Variants in LMX1A observed in about 807,000 individuals in gnomAD.
LMX1A encodes LIM homeobox transcription factor 1 alpha.
In LMX1A, 15 loss-of-function variants were observed where a neutral mutation model predicts 49.1. The ratio of observed to expected loss-of-function variants is 0.31; its 90% CI spans 0.20 to 0.47. The LOEUF (loss-of-function observed/expected upper bound fraction) is 0.47, where lower values mean the gene tolerates loss of function less well. LMX1A is among the 20% of genes least tolerant of loss of function. LMX1A has a pLI of 1.00. For missense variants in LMX1A, 372 were observed against 475.8 expected (o/e 0.78, Z 2.03); for synonymous variants, 167 against 185.7 (o/e 0.90, Z 0.82).
chr1:165,230,329 TTCTG>T (rs1453049528), intron 4 of LMX1A, among the ~76,000 whole-genome samples: 1 of 152,234 alleles, frequency 6.6e-6, no homozygotes, highest in Admixed American at 6.5e-5. Flanking sequence ...GCATAATGAT[TTCTG>T]TCTAATTTAA....
chr1:165,248,408 A>G (rs1164357627), intron 4 of LMX1A, among the ~76,000 whole-genome samples: 2 of 152,118 alleles, frequency 1.3e-5, no homozygotes, highest in African/African-American at 4.8e-5. Flanking sequence ...GGTCACATAG[A>G]TGTTACCTAA....
At chr1:165,307,217 G>C (rs1032709877) in intron 3 of LMX1A, among the ~76,000 whole-genome samples, 3 of 152,182 alleles carry the variant, frequency 2.0e-5, no homozygotes. Context: ...AAGATAAAGG[G>C]AGAAAGAGAA....
intron 3 of LMX1A, among the ~76,000 whole-genome samples, chr1:165,307,964 T>A (rs1459398948): frequency 3.9e-5 from 6 of 152,200 alleles, no homozygotes; most frequent in African/African-American, 1.4e-4. Flanking sequence ...CCTTCCTCCT[T>A]GGTTCCATAA....
chr1:165,245,121 G>C lies in LMX1A; in HGVS notation c.496+4287C>G, dbSNP rs145087766. Among the ~76,000 whole-genome samples the C allele has an allele frequency of 3.6e-4, 55 of 152,042 alleles. No individual in the cohort carries two copies. In the East Asian group the frequency reaches 0.01, roughly 28 times the overall value. On this transcript the variant is annotated intron_variant, in intron 4 of 8. Transcript: ENST00000342310. ...ATTTCAACTTCTATTTTAGATGCAG[G>C]GCATGCATGTGCAGGTTTTTTACAT...
At chr1:165,303,189 C>T (rs144551019) in intron 3 of LMX1A, among the ~76,000 whole-genome samples, 25 of 152,252 alleles carry the variant, frequency 1.6e-4, no homozygotes, top group East Asian at 1.5e-3. Flanking sequence ...CTAGTGAGAA[C>T]GCTCCTTGTG....
At chr1:165,237,011 C>A (rs1652474806) in intron 4 of LMX1A, among the ~76,000 whole-genome samples, 1 of 152,180 alleles carries the variant, frequency 6.6e-6, no homozygotes, top group African/African-American at 2.4e-5. Context: ...ATCATCCCAG[C>A]ACCTACAATA....
At chr1:165,280,535 A>G (rs1219807206) in intron 3 of LMX1A, among the ~76,000 whole-genome samples, 2 of 152,206 alleles carry the variant, frequency 1.3e-5, no homozygotes, top group Non-Finnish European at 2.9e-5. Flanking sequence ...GTTTATTTCT[A>G]CAGTCCCAAA....
chr1:165,202,894 A>G lies in LMX1A; in HGVS notation c.*986T>C, dbSNP rs1051071141. 1 of 152,696 alleles carries G rather than the reference A, an allele frequency of 6.5e-6. No individual in the cohort carries two copies. The highest frequency in any genetic ancestry group is 2.4e-5 in the African/African-American group (1 of 41,462). 9.5% of individuals were successfully genotyped at this position (152,696 alleles called of 1,614,324 possible). On this transcript the variant is annotated 3_prime_UTR_variant, in exon 9 of 9. Transcript: ENST00000342310. The stretch of plus-strand genomic sequence containing the variant: ...TGGCCTGGTTGTATCTTAAACAAAT[A>G]TCAGATATTAGTCTCAGCCCTGCTC...
At chr1:165,327,864 CCTT>C (rs1402290325) in intron 3 of LMX1A, among the ~76,000 whole-genome samples, 2 of 152,214 alleles carry the variant, frequency 1.3e-5, no homozygotes, top group Non-Finnish European at 2.9e-5. Flanking sequence ...CATTGTAAAT[CCTT>C]CTCACTAAGA....
chr1:165,304,722 A>C (rs1654875788), intron 3 of LMX1A, among the ~76,000 whole-genome samples: 1 of 152,108 alleles, frequency 6.6e-6, no homozygotes, highest in Non-Finnish European at 1.5e-5. Context: ...TCCCTGCCTC[A>C]TCACCTGCTA....
At chr1:165,233,532 C>A (rs1164482731) in intron 4 of LMX1A, among the ~76,000 whole-genome samples, 1 of 152,200 alleles carries the variant, frequency 6.6e-6, no homozygotes, top group Non-Finnish European at 1.5e-5. Context: ...TGACCTCCCC[C>A]TTAAATCCCA....
intron 4 of LMX1A, among the ~76,000 whole-genome samples, chr1:165,233,633 AG>A (rs1571165676): frequency 1.3e-5 from 2 of 152,216 alleles, no homozygotes; most frequent in East Asian, 3.8e-4. Context: ...AATTTTATCT[AG>A]ATCCCTGGTT....
chr1:165,246,878 C>CAAGCACTCAAGAT (rs1652868003), intron 4 of LMX1A, among the ~76,000 whole-genome samples: 7 of 151,848 alleles, frequency 4.6e-5, no homozygotes, highest in Admixed American at 1.3e-4. Flanking sequence ...TGAATTAATA[C>CAAGCACTCAAGAT]ATGAATGAAT....
At chr1:165,340,720 C>G (rs1656048115) in intron 3 of LMX1A, among the ~76,000 whole-genome samples, 1 of 152,214 alleles carries the variant, frequency 6.6e-6, no homozygotes, top group Non-Finnish European at 1.5e-5. Context: ...CCACCAGTAA[C>G]TTAGTATAGC....
chr1:165,260,847 C>T (rs1653412035), intron 3 of LMX1A, among the ~76,000 whole-genome samples: 1 of 152,106 alleles, frequency 6.6e-6, no homozygotes, highest in African/African-American at 2.4e-5. Flanking sequence ...TGGGGTTTTC[C>T]CTTTCTAACT....
Position 165,353,096 on chromosome 1 carries a change from G to A in LMX1A, c.243C>T (p.Tyr81=), listed in dbSNP as rs576625137. 11 of 1,614,210 alleles carry A rather than the reference G, an allele frequency of 6.8e-6. No homozygotes were observed. The highest frequency in any genetic ancestry group is 5.3e-5 in the African/African-American group (4 of 75,074). Residue 81 remains tyrosine (Y), a synonymous_variant, in exon 3 of 9, where the codon TAC becomes TAT. Coordinates refer to ENST00000342310, the MANE Select transcript of LMX1A (RefSeq NM_177398.4). ...TTCFYRDKKL[Y]CKYDYEKLFA... is the part of the protein sequence containing the mutation. ...CTTACTTCTCGTAGTCATACTTGCA[G>A]TACAGCTTCTTGTCCCGGTAGAAGC...
chr1:165,305,248 C>T (rs550264736), intron 3 of LMX1A, among the ~76,000 whole-genome samples: 4 of 152,158 alleles, frequency 2.6e-5, no homozygotes, highest in Non-Finnish European at 4.4e-5. Flanking sequence ...GTAATGGGGT[C>T]GATGGACTCG....
At chr1:165,245,155 T>G (rs562528765) in intron 4 of LMX1A, among the ~76,000 whole-genome samples, 121 of 152,238 alleles carry the variant, frequency 7.9e-4, no homozygotes, top group Non-Finnish European at 1.6e-3. Context: ...ATGGGTATAC[T>G]GCATGATGCT....
chr1:165,203,896 G>A lies in LMX1A; in HGVS notation c.1133C>T (p.Ser378Phe), dbSNP rs771502663. ...GGGGAAGACTCAAGATGTGAAGTAAGAATTCTGCATGGAGTACAGATGGTC... is the reference window on the plus strand; with the variant it reads ...GGGGAAGACTCAAGATGTGAAGTAAAAATTCTGCATGGAGTACAGATGGTC... Reference protein sequence around the residue: ...PIDHLYSMQNSYFTS With the variant: ...PIDHLYSMQNFYFTS Residue 378 changes from serine to phenylalanine, a missense_variant, in exon 9 of 9, where the codon TCT becomes TTT. By Grantham distance (155) the Ser-to-Phe change is radical (BLOSUM62 -2). This residue lies in a region of LMX1A where 127 missense variants were observed against 138.0 expected (regional missense o/e 0.92). Transcript: ENST00000342310. 10 of 1,614,096 alleles carry A rather than the reference G, an allele frequency of 6.2e-6. No individual in the cohort carries two copies. The South Asian group carries it at 1.1e-4, about 18-fold the overall frequency.
Sources: allele counts gnomAD v4.1 joint callset (sites outside exome capture counted in the v4.1 genomes callset), GRCh38; gene constraint gnomAD v4.1.1; regional missense constraint gnomAD v4.1.1; transcripts MANE v1.5; gene names NCBI Gene and HGNC (gene_info 2026-07-23, HGNC 2026-07-21).